PROS1: variants seen among roughly 807,000 people sequenced by gnomAD.
PROS1 encodes the protein vitamin K-dependent protein S.
PROS1 carries 29 observed loss-of-function variants against 75.9 expected under a neutral mutation model. The observed-to-expected ratio is 0.38, with a 90% CI of 0.28 to 0.52. The LOEUF (loss-of-function observed/expected upper bound fraction) is 0.52. PROS1 is among the 20% of genes least tolerant of loss of function. The pLI is 0.83. For missense variants in PROS1, 680 were observed against 810.3 expected (o/e 0.84, Z 1.95); for synonymous variants, 245 against 280.6 (o/e 0.87, Z 1.27).
At position 93,884,909 on chromosome 3, in the gene PROS1, A is replaced by T; in HGVS notation, c.1324-13T>A. 2 of 1,608,790 alleles carry T rather than the reference A, an allele frequency of 1.2e-6. No homozygotes were observed. The highest frequency in any genetic ancestry group is 8.5e-7 in the Non-Finnish European group (1 of 1,176,534). On this transcript the variant is annotated splice_polypyrimidine_tract_variant and intron_variant, in intron 11 of 14. Coordinates refer to ENST00000394236, the MANE Select transcript of PROS1 (RefSeq NM_000313.4). ...GACGAGGGTTAATCTAACAAATTAA[A>T]ATACAAGTCAAGGAGTGCATTTTAA...
intron 6 of PROS1, among the ~76,000 whole-genome samples, chr3:93,904,616 T>G (rs1336486632): frequency 6.6e-6 from 1 of 152,180 alleles, no homozygotes; most frequent in Non-Finnish European, 1.5e-5. Context: ...TACTTTTTTT[T>G]TTAACATTTT....
intron 6 of PROS1, among the ~76,000 whole-genome samples, chr3:93,903,655 C>A (rs550946073): frequency 4.9e-4 from 74 of 152,114 alleles, no homozygotes; most frequent in Admixed American, 9.8e-4. Flanking sequence ...CAGAGCAAAA[C>A]CCTATCTATC....
chr3:93,899,456 G>C (rs1049978594), intron 7 of PROS1, among the ~76,000 whole-genome samples: 2 of 152,022 alleles, frequency 1.3e-5, no homozygotes, highest in Non-Finnish European at 2.9e-5. Flanking sequence ...TAAAGTTATA[G>C]ATAAGAGTCA....
chr3:93,874,396 A>G lies in PROS1; in HGVS notation c.1880T>C (p.Phe627Ser). Residue 627 changes from phenylalanine (F) to serine (S), a missense_variant, in exon 15 of 15, where the codon TTC (phenylalanine) becomes TCC (serine). By Grantham distance (155) the Phe-to-Ser change is radical (BLOSUM62 -2). Coordinates refer to ENST00000394236, the MANE Select transcript of PROS1 (RefSeq NM_000313.4). ...AAAGGCATTCACTGGTGTGGCACTG[A>G]ATGGAACATCTGTAAAAGGAAAATA... Reference protein sequence around the residue: ...TYLGGLPDVPFSATPVNAFYN... With the variant: ...TYLGGLPDVPSSATPVNAFYN... The G allele has an allele frequency of 6.2e-7, 1 of 1,613,356 alleles. No individual in the cohort carries two copies.
chr3:93,916,592 A>C (rs1708852602), intron 3 of PROS1, among the ~76,000 whole-genome samples: 1 of 152,230 alleles, frequency 6.6e-6, no homozygotes, highest in African/African-American at 2.4e-5. Flanking sequence ...CTTACCACAC[A>C]ACAGGAATAG....
At chr3:93,926,522 C>T (rs1047031212) in intron 2 of PROS1, among the ~76,000 whole-genome samples, 3 of 152,128 alleles carry the variant, frequency 2.0e-5, no homozygotes, top group African/African-American at 7.2e-5. Context: ...ATCCCACCTA[C>T]TCAGGTGGCT....
At chr3:93,898,652 AG>A in intron 7 of PROS1, 83 bp from the exon 8 acceptor site, 2 of 1,497,034 alleles carry the variant, frequency 1.3e-6, no homozygotes, top group Non-Finnish European at 1.9e-6. Context: ...TTATGATTGT[AG>A]TATGATATAA....
chr3:93,910,678 A>G lies in PROS1; in HGVS notation c.287T>C (p.Leu96Ser). 1 of 1,613,610 alleles carries G rather than the reference A, an allele frequency of 6.2e-7. No individual in the cohort carries two copies. Among genetic ancestry groups the G allele is most frequent in the Non-Finnish European group, 8.5e-7 (1 of 1,179,692 alleles). The change falls in exon 4 of 15, where the codon TTA (leucine) becomes TCA (serine). Residue 96 changes from leucine (L) to serine (S), a missense_variant. Coordinates refer to ENST00000394236, the MANE Select transcript of PROS1 (RefSeq NM_000313.4). ...LVCLRSFQTG[L>S]FTAARQSTNA... ...AGTTGACTGACGTGCAGCAGTGAAT[A>G]ACCCAGTTTGAAAAGAGCGAAGACA...
rs1708134784 is a variant in PROS1 at position 93,873,318 on chromosome 3, T to C, written c.*927A>G. 2.0e-5 allele frequency: 3 copies of C among 152,212 alleles called. No homozygotes were observed. The highest frequency in any genetic ancestry group is 6.5e-5 in the Admixed American group (1 of 15,284). 9.4% of individuals were successfully genotyped at this position (152,212 alleles called of 1,614,324 possible). A position where few individuals can be genotyped will look rare whatever the true frequency, so the allele number is the denominator to read the frequency against. On this transcript the variant is annotated 3_prime_UTR_variant, in exon 15 of 15. Transcript: ENST00000394236. Reference sequence around the variant, plus strand: ...CTTCTTTGATTACAATGATACGATATTCACTATATCCCTCTGTGGTTGTCC... The same window carrying C: ...CTTCTTTGATTACAATGATACGATACTCACTATATCCCTCTGTGGTTGTCC...
At position 93,879,145 on chromosome 3, in the gene PROS1, G is replaced by A; in HGVS notation, c.1644+18C>T. ...TGAAAAGAAAAACAAGGCTTATATA[G>A]GTTTAGAGTTAAGTTACCTGTGATT... On this transcript the variant is annotated intron_variant, in intron 13 of 14. Transcript: ENST00000394236. The A allele has an allele frequency of 6.2e-7, 1 of 1,609,848 alleles. No individual in the cohort carries two copies. Among genetic ancestry groups the A allele is most frequent in the Non-Finnish European group, 8.5e-7 (1 of 1,176,726 alleles).
chr3:93,943,672 G>A (rs981066150), intron 1 of PROS1, among the ~76,000 whole-genome samples: 5 of 152,070 alleles, frequency 3.3e-5, no homozygotes, highest in African/African-American at 1.2e-4. Flanking sequence ...ATTAATATAA[G>A]AAGACAGGAA....
intron 14 of PROS1, among the ~76,000 whole-genome samples, chr3:93,876,368 C>T (rs893153032): frequency 1.3e-5 from 2 of 152,076 alleles, no homozygotes; most frequent in African/African-American, 2.4e-5. Flanking sequence ...GCGAGCGGAT[C>T]GCAAGGTCAG....
At chr3:93,958,148 C>T (rs1458991501) in intron 1 of PROS1, among the ~76,000 whole-genome samples, 1 of 151,892 alleles carries the variant, frequency 6.6e-6, no homozygotes, top group Non-Finnish European at 1.5e-5. Context: ...CCCAACCCCC[C>T]TAAATTATTA....
chr3:93,950,832 C>T (rs180760313), intron 1 of PROS1, among the ~76,000 whole-genome samples: 3 of 152,248 alleles, frequency 2.0e-5, no homozygotes, highest in African/African-American at 7.2e-5. Flanking sequence ...GCTGGATGGA[C>T]AATGACTTTG....
At chr3:93,889,651 T>C (rs1020086054) in intron 10 of PROS1, among the ~76,000 whole-genome samples, 2 of 152,188 alleles carry the variant, frequency 1.3e-5, no homozygotes, top group African/African-American at 2.4e-5. Flanking sequence ...AGGGACTGGA[T>C]GGAGCCACAG....
rs1400678195 is a variant in PROS1, at chr3:93,879,277, C to A, written c.1530G>T (p.Val510=). ...VSSAEGWHVN[V]TLNIRPSTGT... ...CCGTGGATGGACGAATATTCAAGGT[C>A]ACATTTACATGCCAACCCTCAGCAC... The change falls in exon 13 of 15, where the codon GTG becomes GTT. Residue 510 remains valine, a synonymous_variant. Transcript: ENST00000394236. 1 of 1,613,994 alleles carries A rather than the reference C, an allele frequency of 6.2e-7. No individual in the cohort carries two copies. The highest frequency in any genetic ancestry group is 8.5e-7 in the Non-Finnish European group (1 of 1,179,958).
intron 14 of PROS1, among the ~76,000 whole-genome samples, chr3:93,875,218 T>G (rs1576170962): frequency 6.6e-6 from 1 of 152,124 alleles, no homozygotes; most frequent in Non-Finnish European, 1.5e-5. Context: ...GAAAAGAAAT[T>G]ACTCAAATTC....
rs750744790 is a variant in PROS1, at chr3:93,898,465, C to T, written c.832G>A (p.Asp278Asn). 1.7e-5 allele frequency: 28 copies of T among 1,612,632 alleles called. No homozygotes were observed. The highest frequency in any genetic ancestry group is 2.3e-5 in the Non-Finnish European group (27 of 1,178,930). Reference protein sequence around the residue: ...DGKKGFKLAQDQKSCEVVSVC... With the variant: ...DGKKGFKLAQNQKSCEVVSVC... ...ATGTTTACCTCACAACTCTTCTGAT[C>T]TTGGGCAAGTTTGAATCCTTTCTTC... The change falls in exon 8 of 15, where the codon GAT becomes AAT. Residue 278 changes from aspartate (D) to asparagine (N), a missense_variant. By Grantham distance (23) the Asp-to-Asn change is conservative. Transcript: ENST00000394236.
intron 1 of PROS1, among the ~76,000 whole-genome samples, chr3:93,954,519 C>T (rs1300990926): frequency 1.3e-5 from 2 of 152,090 alleles, no homozygotes; most frequent in Non-Finnish European, 2.9e-5. Flanking sequence ...AGCTGGCTAG[C>T]CATATGTAGA....
Sources: gnomAD v4.1 joint callset for allele counts (sites outside exome capture counted in the v4.1 genomes callset) on GRCh38, gnomAD v4.1.1 for gene constraint, MANE v1.5 for transcripts, NCBI Gene and HGNC (gene_info 2026-07-23, HGNC 2026-07-21) for gene names.